GAN: variants seen among roughly 807,000 people sequenced by gnomAD.
GAN encodes epididymis secretory sperm binding protein.
In GAN, 48 loss-of-function variants were observed where a neutral mutation model predicts 71.3. That is an observed-to-expected ratio of 0.67 (90% CI 0.53 to 0.86). GAN has a LOEUF of 0.86. GAN is among the 40% of genes least tolerant of loss of function. The pLI, the probability that GAN is intolerant of heterozygous loss-of-function variation, is 0.00. For synonymous variants in GAN, 386 were observed against 276.8 expected (o/e 1.39, Z -3.92); for missense variants, 928 against 770.1 (o/e 1.21, Z -2.43).
rs774077310 is a variant in GAN, at chr16:81,364,855, G to A, written c.1237-119G>A. ...ATACTGAAAAGCACCATCGTTTTAC[G>A]GTTAGAAATCAAACCCCTTCCTAAA... On this transcript the variant is annotated intron_variant, in intron 7 of 10. Transcript: ENST00000648994. 1.6e-5 allele frequency: 15 copies of A among 966,792 alleles called. No homozygotes were observed. The Admixed American group carries it at 2.1e-4, about 13-fold the overall frequency. 59.9% of individuals were successfully genotyped at this position (966,792 alleles called of 1,614,324 possible). A position where few individuals can be genotyped will look rare whatever the true frequency, so the allele number is the denominator to read the frequency against.
Position 81,379,522 on chromosome 16 carries a change from C to G in GAN, c.*1926C>G, listed in dbSNP as rs1025201203. ...GTGTACCAGTCAGCTGTTGTCTGCA[C>G]ATTTTCGTAGTGACAGTGTGGAGAT... is the stretch of plus-strand genomic sequence containing the variant. On this transcript the variant is annotated 3_prime_UTR_variant, in exon 11 of 11. Transcript: ENST00000648994. The G allele has an allele frequency of 6.6e-6, 1 of 152,210 alleles. No individual in the cohort carries two copies. The highest frequency in any genetic ancestry group is 1.5e-5 in the Non-Finnish European group (1 of 68,032). 9.4% of individuals were successfully genotyped at this position (152,210 alleles called of 1,614,324 possible). A position where few individuals can be genotyped will look rare whatever the true frequency, so the allele number is the denominator to read the frequency against.
At position 81,390,107 on chromosome 16, in the gene GAN, G is replaced by A. The variant is rs1904519724; in HGVS notation, c.*12511G>A. On this transcript the variant is annotated 3_prime_UTR_variant, in exon 11 of 11. Coordinates refer to ENST00000648994, the MANE Select transcript of GAN (RefSeq NM_022041.4). Reference sequence around the variant, plus strand: ...GTGATATTATCCTATCTTTAATAAAGTCCTACTACTGAAAAACAGGGATTT... The same window carrying A: ...GTGATATTATCCTATCTTTAATAAAATCCTACTACTGAAAAACAGGGATTT... 1 of 152,084 alleles carries A rather than the reference G, an allele frequency of 6.6e-6. No homozygotes were observed. Among genetic ancestry groups the A allele is most frequent in the Non-Finnish European group, 1.5e-5 (1 of 68,014 alleles). 9.4% of individuals were successfully genotyped at this position (152,084 alleles called of 1,614,324 possible).
intron 1 of GAN, among the ~76,000 whole-genome samples, chr16:81,332,357 C>G (rs757122840): frequency 2.0e-5 from 3 of 152,110 alleles, no homozygotes; most frequent in Non-Finnish European, 4.4e-5. Context: ...TTAGTTCTTG[C>G]AGCAGGAGCT....
chr16:81,365,030 C>A lies in GAN; in HGVS notation c.1293C>A (p.Tyr431Ter). Residue 431 changes from tyrosine to a stop codon, truncating the protein, a stop_gained, in exon 8 of 11, where the codon TAC (tyrosine) becomes TAA (stop). Coordinates refer to ENST00000648994, the MANE Select transcript of GAN (RefSeq NM_022041.4). LOFTEE classifies it high-confidence loss of function. ...KKIYAMGGGS[Y>*]GKLFESVECY... ...TCTACGCCATGGGTGGAGGCTCCTA[C>A]GGAAAGCTTTTTGAGTCTGTAGAGT... The A allele has an allele frequency of 6.2e-7, 1 of 1,613,262 alleles. No individual in the cohort carries two copies. Among genetic ancestry groups the A allele is most frequent in the Non-Finnish European group, 8.5e-7 (1 of 1,179,390 alleles).
In GAN at chr16:81,390,590, CT is replaced by C. The variant is rs1904532546; in HGVS notation, c.*13000del. 1 of 152,082 alleles carries C rather than the reference CT, an allele frequency of 6.6e-6. No homozygotes were observed. Among genetic ancestry groups the C allele is most frequent in the Admixed American group, 6.6e-5 (1 of 15,260 alleles). 9.4% of individuals were successfully genotyped at this position (152,082 alleles called of 1,614,324 possible). A position where few individuals can be genotyped will look rare whatever the true frequency, so the allele number is the denominator to read the frequency against. On this transcript the variant is annotated 3_prime_UTR_variant, in exon 11 of 11. Coordinates refer to ENST00000648994, the MANE Select transcript of GAN (RefSeq NM_022041.4). Reference sequence around the variant, plus strand: ...CCAAGGATCAGTGAAAGTGTTTTATCTTTTTTATGTAGTTTGTATTGACTGG... The same window carrying C: ...CCAAGGATCAGTGAAAGTGTTTTATCTTTTTATGTAGTTTGTATTGACTGG...
chr16:81,351,498 A>C, intron 1 of GAN, 85 bp from the exon 2 acceptor site: 1 of 735,868 alleles, frequency 1.4e-6, no homozygotes. Flanking sequence ...TAAGTATCTT[A>C]TACGTTATAG....
chr16:81,369,678 A>G (rs1214835270), intron 9 of GAN, among the ~76,000 whole-genome samples: 3 of 152,170 alleles, frequency 2.0e-5, no homozygotes, highest in South Asian at 2.1e-4. Flanking sequence ...TGCAAGCTCC[A>G]CCTGCCGGGT....
chr16:81,376,198 T>C (rs946811964), intron 9 of GAN, among the ~76,000 whole-genome samples: 10 of 151,930 alleles, frequency 6.6e-5, no homozygotes, highest in Admixed American at 2.6e-4. Flanking sequence ...TTTTTTTTTT[T>C]CCAGTAAACA....
intron 1 of GAN, among the ~76,000 whole-genome samples, chr16:81,339,835 G>A (rs1031931856): frequency 3.9e-5 from 6 of 152,142 alleles, no homozygotes; most frequent in Non-Finnish European, 8.8e-5. Context: ...GGGAGGTTAA[G>A]GGCAGGATAG....
chr16:81,316,483 G>T (rs1909045843), intron 1 of GAN, among the ~76,000 whole-genome samples: 1 of 143,868 alleles, frequency 7.0e-6, no homozygotes, highest in East Asian at 2.3e-4. Flanking sequence ...TGGGGAGTGT[G>T]GAGGGGTGGG....
intron 5 of GAN, among the ~76,000 whole-genome samples, chr16:81,361,954 T>C (rs953442594): frequency 6.6e-6 from 1 of 152,228 alleles, no homozygotes; most frequent in African/African-American, 2.4e-5. Flanking sequence ...CTTCCAAAAG[T>C]GCTGAGCCAC....
intron 1 of GAN, among the ~76,000 whole-genome samples, chr16:81,343,131 A>G (rs1910000932): frequency 6.6e-6 from 1 of 152,220 alleles, no homozygotes; most frequent in Non-Finnish European, 1.5e-5. Context: ...TTGAGGCAAT[A>G]ATTAATAGCC....
rs1910585267 is a variant in GAN, at chr16:81,359,094, A to G, written c.973+1163A>G. Among the ~76,000 whole-genome samples the G allele has an allele frequency of 2.0e-5, 3 of 152,332 alleles. No homozygotes were observed. The South Asian group carries it at 6.2e-4, about 32-fold the overall frequency. On this transcript the variant is annotated intron_variant, in intron 5 of 10. Coordinates refer to ENST00000648994, the MANE Select transcript of GAN (RefSeq NM_022041.4). Reference sequence around the variant, plus strand: ...AAGTGGAGTCATTTTATGAGTCCCAAAATTATTAGTTATTGTCAGTAGTGA... The same window carrying G: ...AAGTGGAGTCATTTTATGAGTCCCAGAATTATTAGTTATTGTCAGTAGTGA...
At chr16:81,372,224 C>T (rs117648669) in intron 9 of GAN, among the ~76,000 whole-genome samples, 106 of 152,284 alleles carry the variant, frequency 7.0e-4, no homozygotes, top group Non-Finnish European at 1.4e-3. Context: ...CTGACAAGCC[C>T]GTTTGAAAAC....
rs1910629572 is a variant in GAN, at chr16:81,360,173, TAACTCCTC to T, written c.973+2244_973+2251del. The stretch of plus-strand genomic sequence containing the variant: ...TGCCACTTTCTTCGTTCTTCCTTCT[TAACTCCTC>T]AGACTTTCCACCTAGGATCATCTCC... On this transcript the variant is annotated intron_variant, in intron 5 of 10. Transcript: ENST00000648994. Among the ~76,000 whole-genome samples the T allele has an allele frequency of 3.9e-5, 6 of 152,314 alleles. No homozygotes were observed. The South Asian group carries it at 1.2e-3, about 32-fold the overall frequency.
rs978614024 is a variant in GAN at position 81,381,922 on chromosome 16, A to G, written c.*4326A>G. On this transcript the variant is annotated 3_prime_UTR_variant, in exon 11 of 11. Transcript: ENST00000648994. ...TCCTATATGGAGCTGAAACTAGTAT[A>G]GCATAAACAATGCCAAGTGCCTGAT... 2.6e-5 allele frequency: 4 copies of G among 152,230 alleles called. No homozygotes were observed. The highest frequency in any genetic ancestry group is 5.9e-5 in the Non-Finnish European group (4 of 68,058). 9.4% of individuals were successfully genotyped at this position (152,230 alleles called of 1,614,324 possible).
Position 81,377,791 on chromosome 16 carries a change from C to G in GAN, c.*195C>G. On this transcript the variant is annotated 3_prime_UTR_variant, in exon 11 of 11. Coordinates refer to ENST00000648994, the MANE Select transcript of GAN (RefSeq NM_022041.4). ...GAACACGTAACTGTTGAAAAACTAC[C>G]TGGGAGGAGTGAGTTCCTCCAGTTA... The G allele has an allele frequency of 1.6e-6, 1 of 615,068 alleles. No individual in the cohort carries two copies. Among genetic ancestry groups the G allele is most frequent in the Non-Finnish European group, 2.9e-6 (1 of 344,656 alleles). The allele number at this position is 615,068 out of a possible 1,614,324, so 38.1% of individuals were successfully genotyped here. A position where few individuals can be genotyped will look rare whatever the true frequency, so the allele number is the denominator to read the frequency against.
intron 9 of GAN, among the ~76,000 whole-genome samples, chr16:81,367,531 A>C (rs1910900073): frequency 6.6e-6 from 1 of 152,214 alleles, no homozygotes; most frequent in Admixed American, 6.5e-5. Flanking sequence ...CCTGTCTCTA[A>C]ATAAATAAGA....
intron 1 of GAN, among the ~76,000 whole-genome samples, chr16:81,319,964 G>A (rs773017577): frequency 5.3e-5 from 8 of 152,142 alleles, no homozygotes; most frequent in Non-Finnish European, 1.0e-4. Context: ...GCTTTATTGT[G>A]TCATTTAAAG....
Sources: gnomAD v4.1 joint callset for allele counts (sites outside exome capture counted in the v4.1 genomes callset) on GRCh38, gnomAD v4.1.1 for gene constraint, MANE v1.5 for transcripts, NCBI Gene and HGNC (gene_info 2026-07-23, HGNC 2026-07-21) for gene names.